GRID1: variants seen among roughly 807,000 people sequenced by gnomAD.
The protein encoded by GRID1 is glutamate receptor ionotropic, delta-1.
Under a neutral mutation model 98.0 loss-of-function variants are expected in GRID1, and 28 were observed. That is an observed-to-expected ratio of 0.29 (90% CI 0.21 to 0.39). GRID1 has a LOEUF of 0.39. GRID1 is among the 10% of genes least tolerant of loss of function. The probability of loss-of-function intolerance (pLI) is 1.00; values close to 1 mark genes in which losing one functional copy is unlikely to be tolerated. For missense variants in GRID1, 1,111 were observed against 1,340.5 expected, an observed-to-expected ratio of 0.83 and a Z score of 2.67; for synonymous variants, 553 against 538.5, an observed-to-expected ratio of 1.03 and a Z score of -0.37.
At chr10:85,706,949 A>G (rs1417684566) in intron 12 of GRID1, among the ~76,000 whole-genome samples, 1 of 152,200 alleles carries the variant, frequency 6.6e-6, no homozygotes, top group African/African-American at 2.4e-5. Context: ...TACACCTTAT[A>G]CTAAAATTAA....
At chr10:86,018,538 T>A (rs983442876) in intron 4 of GRID1, among the ~76,000 whole-genome samples, 2 of 152,252 alleles carry the variant, frequency 1.3e-5, no homozygotes, top group Non-Finnish European at 2.9e-5. Flanking sequence ...AGGTTCTTGA[T>A]TGCAGCTCCG....
chr10:85,923,649 T>A (rs1841736315), intron 4 of GRID1, among the ~76,000 whole-genome samples: 1 of 152,112 alleles, frequency 6.6e-6, no homozygotes, highest in African/African-American at 2.4e-5. Context: ...CTCAGAAGGA[T>A]GAAGTGATTT....
intron 2 of GRID1, among the ~76,000 whole-genome samples, chr10:86,321,161 C>T (rs1188785723): frequency 6.6e-6 from 1 of 150,590 alleles, no homozygotes; most frequent in African/African-American, 2.4e-5. Flanking sequence ...ACAGCAAAGT[C>T]AATTCAGATG....
At chr10:86,097,552 A>G (rs761890750) in intron 4 of GRID1, among the ~76,000 whole-genome samples, 5 of 152,156 alleles carry the variant, frequency 3.3e-5, no homozygotes, top group Non-Finnish European at 7.4e-5. Context: ...TCTATCATCT[A>G]TCTATCTATA....
At chr10:85,774,853 T>C (rs1842312941) in intron 8 of GRID1, among the ~76,000 whole-genome samples, 1 of 150,894 alleles carries the variant, frequency 6.6e-6, no homozygotes, top group Non-Finnish European at 1.5e-5. Context: ...TGTGGAGAAA[T>C]AGGAACACTT....
intron 12 of GRID1, among the ~76,000 whole-genome samples, chr10:85,697,097 C>T (rs186020739): frequency 1.3e-5 from 2 of 152,112 alleles, no homozygotes; most frequent in East Asian, 3.9e-4. Flanking sequence ...GCATATTCTG[C>T]AATTTTGGGG....
chr10:85,839,630 C>G (rs996096617), intron 8 of GRID1, among the ~76,000 whole-genome samples: 1 of 151,994 alleles, frequency 6.6e-6, no homozygotes, highest in East Asian at 1.9e-4. Flanking sequence ...GCAGTGTTAA[C>G]GTGAAATTTA....
chr10:86,227,122 C>T lies in GRID1; in HGVS notation c.236-20474G>A, dbSNP rs117949696. 3.1e-4 allele frequency among the ~76,000 whole-genome samples: 47 copies of T among 152,344 alleles called. No individual in the cohort carries two copies. In the East Asian group the frequency reaches 7.5e-3, roughly 24 times the overall value. ...TCTGATATGGGCCTGGGTGAAGCCACCTGCTCTACCAGGGCAGCTTCCCAG... is the reference window on the plus strand; with the variant it reads ...TCTGATATGGGCCTGGGTGAAGCCATCTGCTCTACCAGGGCAGCTTCCCAG... On this transcript the variant is annotated intron_variant, in intron 2 of 15. Coordinates refer to ENST00000327946, the MANE Select transcript of GRID1 (RefSeq NM_017551.3).
intron 8 of GRID1, among the ~76,000 whole-genome samples, chr10:85,853,059 C>T (rs889689505): frequency 1.3e-5 from 2 of 152,142 alleles, no homozygotes; most frequent in Non-Finnish European, 2.9e-5. Context: ...CCCGCACCAT[C>T]CCCCACATCA....
chr10:86,245,817 C>T (rs1846717674), intron 2 of GRID1, among the ~76,000 whole-genome samples: 1 of 152,260 alleles, frequency 6.6e-6, no homozygotes, highest in Non-Finnish European at 1.5e-5. Flanking sequence ...GCCTTGGGCA[C>T]TCACAAAGCC....
At chr10:85,640,700 A>G (rs1843106904) in intron 13 of GRID1, among the ~76,000 whole-genome samples, 1 of 152,216 alleles carries the variant, frequency 6.6e-6, no homozygotes, top group African/African-American at 2.4e-5. Flanking sequence ...GTAGTCCCTG[A>G]CACTAAGCAG....
chr10:85,608,238 T>C (rs993692923), intron 15 of GRID1, among the ~76,000 whole-genome samples: 1 of 152,196 alleles, frequency 6.6e-6, no homozygotes, highest in African/African-American at 2.4e-5. Context: ...AATGTTGGCA[T>C]AAATCAGTGG....
At chr10:86,132,345 C>T (rs959127458) in intron 4 of GRID1, among the ~76,000 whole-genome samples, 3 of 152,184 alleles carry the variant, frequency 2.0e-5, no homozygotes, top group Admixed American at 1.3e-4. Flanking sequence ...CTCTTGAAGC[C>T]GCTGAGTTCC....
intron 8 of GRID1, among the ~76,000 whole-genome samples, chr10:85,760,724 T>G (rs776378961): frequency 2.6e-5 from 4 of 152,208 alleles, no homozygotes; most frequent in Non-Finnish European, 5.9e-5. Flanking sequence ...TCCTCAATTT[T>G]CCTGTTTTAT....
chr10:85,975,280 G>A (rs2131857544), intron 4 of GRID1, among the ~76,000 whole-genome samples: 1 of 152,298 alleles, frequency 6.6e-6, no homozygotes, highest in East Asian at 1.9e-4. Flanking sequence ...AGATTTCTCG[G>A]GACTTTTTGA....
At chr10:85,731,905 AAGAAAG>A (rs1213397236) in intron 8 of GRID1, among the ~76,000 whole-genome samples, 2,883 of 133,086 alleles carry the variant, frequency 0.022, 98 homozygotes, top group African/African-American at 0.083. Context: ...GGGAGGGAGA[AAGAAAG>A]AGAAAGAAAG....
At chr10:85,881,746 A>G (rs1279124007) in intron 5 of GRID1, among the ~76,000 whole-genome samples, 3 of 152,184 alleles carry the variant, frequency 2.0e-5, no homozygotes, top group African/African-American at 7.2e-5. Context: ...ACCAAAAGCA[A>G]TGGCAACAAA....
chr10:86,316,271 T>C (rs1439726172), intron 2 of GRID1, among the ~76,000 whole-genome samples: 2 of 152,238 alleles, frequency 1.3e-5, no homozygotes, highest in Non-Finnish European at 2.9e-5. Context: ...TCTGCACATT[T>C]GGCCAGTAAG....
chr10:85,691,230 A>G (rs1193963302), intron 12 of GRID1, among the ~76,000 whole-genome samples: 2 of 152,224 alleles, frequency 1.3e-5, no homozygotes, highest in Non-Finnish European at 2.9e-5. Flanking sequence ...AATGCCACCC[A>G]GTATTCCTTA....
Sources: gnomAD v4.1 joint callset for allele counts (sites outside exome capture counted in the v4.1 genomes callset) on GRCh38, gnomAD v4.1.1 for gene constraint, MANE v1.5 for transcripts, NCBI Gene and HGNC (gene_info 2026-07-23, HGNC 2026-07-21) for gene names.